Variants in ITGA8 observed in about 807,000 individuals in gnomAD.
ITGA8 encodes integrin alpha-8.
In ITGA8, 91 loss-of-function variants were observed where a neutral mutation model predicts 142.3. That is an observed-to-expected ratio of 0.64 (90% CI 0.54 to 0.76). The LOEUF (loss-of-function observed/expected upper bound fraction) is 0.76, where lower values mean the gene tolerates loss of function less well. ITGA8 is among the 30% of genes least tolerant of loss of function. The probability of loss-of-function intolerance (pLI) is 0.00; values close to 1 mark genes in which losing one functional copy is unlikely to be tolerated. For synonymous variants in ITGA8, 505 were observed against 485.2 expected, an observed-to-expected ratio of 1.04 and a Z score of -0.54; for missense variants, 1,406 against 1,327.7, an observed-to-expected ratio of 1.06 and a Z score of -0.92.
intron 20 of ITGA8, among the ~76,000 whole-genome samples, chr10:15,599,203 C>T (rs1313017469): frequency 1.3e-5 from 2 of 152,010 alleles, no homozygotes; most frequent in Non-Finnish European, 2.9e-5. Context: ...CACATCCCCT[C>T]CACCCTTTTT....
rs943202219 is a variant in ITGA8 at position 15,535,110 on chromosome 10, C to A, written c.2881-3959G>T. On this transcript the variant is annotated intron_variant, in intron 27 of 29. Transcript: ENST00000378076. Reference sequence around the variant, plus strand: ...GGCTGCGGTAGGTGTGCTGGGTCCCCCAGCAGTGCCGGCCCACCGGTGCTG... The same window carrying A: ...GGCTGCGGTAGGTGTGCTGGGTCCCACAGCAGTGCCGGCCCACCGGTGCTG... 2.0e-5 allele frequency among the ~76,000 whole-genome samples: 3 copies of A among 152,112 alleles called. No individual in the cohort carries two copies. In the East Asian group the frequency reaches 5.8e-4, roughly 29 times the overall value.
chr10:15,556,296 C>T (rs913745076), intron 26 of ITGA8, among the ~76,000 whole-genome samples: 4 of 152,030 alleles, frequency 2.6e-5, no homozygotes, highest in South Asian at 2.1e-4. Flanking sequence ...CCCAAAGCGC[C>T]GGGATTATAG....
chr10:15,586,178 C>A (rs1168186226), intron 23 of ITGA8, among the ~76,000 whole-genome samples: 1 of 150,854 alleles, frequency 6.6e-6, no homozygotes, highest in Non-Finnish European at 1.5e-5. Context: ...CCTGCCTCAG[C>A]CTCCTGAGTA....
intron 11 of ITGA8, among the ~76,000 whole-genome samples, chr10:15,654,263 G>C (rs1052981203): frequency 2.6e-5 from 4 of 151,988 alleles, no homozygotes; most frequent in African/African-American, 9.7e-5. Context: ...TTTTGTTTTC[G>C]TTGTCTCCAC....
At chr10:15,553,033 G>A (rs372064101) in intron 26 of ITGA8, among the ~76,000 whole-genome samples, 23 of 152,276 alleles carry the variant, frequency 1.5e-4, no homozygotes, top group Admixed American at 2.6e-4. Context: ...GAGGTGGGAC[G>A]TTCACTTGAG....
chr10:15,632,827 A>T (rs1030934233), intron 13 of ITGA8, among the ~76,000 whole-genome samples: 1 of 151,844 alleles, frequency 6.6e-6, no homozygotes, highest in Non-Finnish European at 1.5e-5. Context: ...AGACAGTGGG[A>T]TCTCTTGAGA....
At chr10:15,575,644 A>G (rs1348667799) in intron 23 of ITGA8, 50 bp from the exon 24 acceptor site, 1 of 1,413,546 alleles carries the variant, frequency 7.1e-7, no homozygotes, top group Non-Finnish European at 1.0e-6. Flanking sequence ...CAGGTAAAGA[A>G]TGTTTTACTA....
chr10:15,660,989 T>C, intron 8 of ITGA8, 67 bp from the exon 9 acceptor site: 5 of 1,342,706 alleles, frequency 3.7e-6, no homozygotes, highest in African/African-American at 1.4e-5. Flanking sequence ...ACACACGCCA[T>C]ATACTAAAAG....
intron 10 of ITGA8, among the ~76,000 whole-genome samples, chr10:15,658,798 C>A (rs1445664092): frequency 6.6e-6 from 1 of 152,176 alleles, no homozygotes; most frequent in Non-Finnish European, 1.5e-5. Flanking sequence ...CTCTCCCTCC[C>A]CTGCCACCTC....
Position 15,517,248 on chromosome 10 carries a change from TA to T in ITGA8, c.3106-5del. On this transcript the variant is annotated splice_region_variant and splice_polypyrimidine_tract_variant and intron_variant, in intron 29 of 29. Coordinates refer to ENST00000378076, the MANE Select transcript of ITGA8 (RefSeq NM_003638.3). Reference sequence around the variant, plus strand: ...TGGCTCTGTCAAAGAATCCACACTATAAAGGGAAAGATGGGCTATAAAATCA... The same window carrying T: ...TGGCTCTGTCAAAGAATCCACACTATAAGGGAAAGATGGGCTATAAAATCA... The T allele has an allele frequency of 6.3e-7, 1 of 1,599,790 alleles. No individual in the cohort carries two copies. Among genetic ancestry groups the T allele is most frequent in the East Asian group, 2.2e-5 (1 of 44,780 alleles).
At chr10:15,666,320 G>T (rs1332536347) in intron 8 of ITGA8, among the ~76,000 whole-genome samples, 1 of 152,140 alleles carries the variant, frequency 6.6e-6, no homozygotes, top group African/African-American at 2.4e-5. Context: ...CTCTCTGTTT[G>T]TCTGTTATTG....
chr10:15,630,630 C>T (rs1255412376), intron 13 of ITGA8, among the ~76,000 whole-genome samples: 4 of 151,860 alleles, frequency 2.6e-5, no homozygotes, highest in African/African-American at 9.7e-5. Context: ...GGGAAAATGG[C>T]CAGGGCACAG....
Position 15,519,258 on chromosome 10 carries a change from G to A in ITGA8, c.3105+32C>T, listed in dbSNP as rs370969031. On this transcript the variant is annotated intron_variant, in intron 29 of 29. Coordinates refer to ENST00000378076, the MANE Select transcript of ITGA8 (RefSeq NM_003638.3). Reference sequence around the variant, plus strand: ...CTAAATTCCCTCAACAGCCCCTCTAGTTTAAAAGGAAAACAAAGTAAATCA... The same window carrying A: ...CTAAATTCCCTCAACAGCCCCTCTAATTTAAAAGGAAAACAAAGTAAATCA... 6 of 1,611,166 alleles carry A rather than the reference G, an allele frequency of 3.7e-6. No individual in the cohort carries two copies. The African/African-American group carries it at 8.0e-5, about 22-fold the overall frequency.
intron 26 of ITGA8, among the ~76,000 whole-genome samples, chr10:15,551,873 G>T (rs1833797925): frequency 6.6e-6 from 1 of 152,166 alleles, no homozygotes; most frequent in Non-Finnish European, 1.5e-5. Context: ...AAGAGAGAAA[G>T]AGAGTAATAT....
chr10:15,519,695 A>G (rs1659978235), intron 28 of ITGA8, among the ~76,000 whole-genome samples: 1 of 152,162 alleles, frequency 6.6e-6, no homozygotes, highest in Admixed American at 6.5e-5. Flanking sequence ...GGAATTGACA[A>G]GGTGGAAAGG....
rs1833721413 is a variant in ITGA8, at chr10:15,548,455, C to T, written c.2880G>A (p.Gln960=). The change falls in exon 27 of 30, where the codon CAG becomes CAA. Residue 960 remains glutamine, a splice_region_variant and synonymous_variant. Coordinates refer to ENST00000378076, the MANE Select transcript of ITGA8 (RefSeq NM_003638.3). ...ATGTGCTTCTGTGGTTGTTTATTAC[C>T]TGGAGGAAGGTGTGGGCCCATAATC... ...RSRLWAHTFL[Q]RKNDPYALAS... is the part of the protein sequence containing the mutation. 6.2e-7 allele frequency: 1 copy of T among 1,605,510 alleles called. No individual in the cohort carries two copies. The highest frequency in any genetic ancestry group is 8.5e-7 in the Non-Finnish European group (1 of 1,175,430).
intron 28 of ITGA8, among the ~76,000 whole-genome samples, chr10:15,520,403 A>G (rs1230226470): frequency 6.6e-6 from 1 of 152,036 alleles, no homozygotes; most frequent in East Asian, 1.9e-4. Context: ...ACAGGGTGAC[A>G]CTCTTCTTTC....
intron 27 of ITGA8, among the ~76,000 whole-genome samples, chr10:15,537,262 G>A (rs1177930023): frequency 6.6e-6 from 1 of 152,106 alleles, no homozygotes; most frequent in Non-Finnish European, 1.5e-5. Context: ...CTGTTAATAG[G>A]CCCCAATGTA....
In ITGA8 at chr10:15,583,608, G is replaced by A. The variant is rs184123651; in HGVS notation, c.2372+2976C>T. Among the ~76,000 whole-genome samples the A allele has an allele frequency of 1.2e-3, 185 of 152,298 alleles. 1 individual carries two copies. The South Asian group carries it at 0.017, about 14-fold the overall frequency. On this transcript the variant is annotated intron_variant, in intron 23 of 29. Transcript: ENST00000378076. Reference sequence around the variant, plus strand: ...GCGTTAGGTTAGGTGGAAGAAGCCAGCACCATTCCCAATGACTTGCATAAC... The same window carrying A: ...GCGTTAGGTTAGGTGGAAGAAGCCAACACCATTCCCAATGACTTGCATAAC...
Sources: gnomAD v4.1 joint callset for allele counts (sites outside exome capture counted in the v4.1 genomes callset) on GRCh38, gnomAD v4.1.1 for gene constraint, MANE v1.5 for transcripts, NCBI Gene and HGNC (gene_info 2026-07-23, HGNC 2026-07-21) for gene names.